The following GADL1 variants were observed in gnomAD, a reference collection of about 807,000 sequenced individuals.
GADL1 encodes GAD like acidic amino acid decarboxylase 1.
In GADL1, 71 loss-of-function variants were observed where a neutral mutation model predicts 69.5. That is an observed-to-expected ratio of 1.02 (90% CI 0.84 to 1.25). The LOEUF (loss-of-function observed/expected upper bound fraction) is 1.25, where lower values mean the gene tolerates loss of function less well. Ranked by LOEUF, GADL1 falls within the 50% of genes most tolerant of loss-of-function variation. GADL1 has a pLI of 0.00. For synonymous variants in GADL1, 254 were observed against 214.4 expected, an observed-to-expected ratio of 1.18 and a Z score of -1.62; for missense variants, 737 against 631.8, an observed-to-expected ratio of 1.17 and a Z score of -1.79.
At chr3:30,873,591 GAAGT>G (rs1272535498) in intron 1 of GADL1, among the ~76,000 whole-genome samples, 1 of 151,958 alleles carries the variant, frequency 6.6e-6, no homozygotes, top group Non-Finnish European at 1.5e-5. Flanking sequence ...GATTATCTTA[GAAGT>G]ATGTATTAAA....
intron 2 of GADL1, among the ~76,000 whole-genome samples, chr3:30,860,158 T>A (rs955901529): frequency 2.0e-5 from 3 of 151,876 alleles, no homozygotes; most frequent in Admixed American, 1.3e-4. Flanking sequence ...ACATTCCACA[T>A]CTGAGCTCAA....
intron 11 of GADL1, among the ~76,000 whole-genome samples, chr3:30,818,946 G>A (rs1697522850): frequency 1.3e-5 from 2 of 152,032 alleles, no homozygotes; most frequent in African/African-American, 2.4e-5. Context: ...GCTTCATTGT[G>A]TCTTGTTCAT....
At chr3:30,774,524 TATA>T (rs1696489553) in intron 14 of GADL1, among the ~76,000 whole-genome samples, 6 of 152,208 alleles carry the variant, frequency 3.9e-5, no homozygotes, top group Non-Finnish European at 8.8e-5. Context: ...ATCACCTACT[TATA>T]ATAGTCTGCA....
rs532427545 is a variant in GADL1, at chr3:30,812,430, G to C, written c.1051-11342C>G. Among the ~76,000 whole-genome samples the C allele has an allele frequency of 3.9e-5, 6 of 152,262 alleles. No individual in the cohort carries two copies. In the South Asian group the frequency reaches 1.0e-3, roughly 26 times the overall value. On this transcript the variant is annotated intron_variant, in intron 11 of 14. Coordinates refer to ENST00000282538, the MANE Select transcript of GADL1 (RefSeq NM_207359.3). ...TCATAATCATGGTGGAAGGTGAAAG[G>C]CACATTGCTCATGGCAACAGACAAG...
intron 8 of GADL1, among the ~76,000 whole-genome samples, chr3:30,839,315 A>G (rs1274183690): frequency 6.6e-6 from 1 of 151,984 alleles, no homozygotes; most frequent in African/African-American, 2.4e-5. Flanking sequence ...AGAAAATGCT[A>G]TGGCAATAGC....
chr3:30,840,318 TCTAAA>T (rs1198124673), intron 8 of GADL1, among the ~76,000 whole-genome samples: 3 of 152,142 alleles, frequency 2.0e-5, no homozygotes, highest in Admixed American at 1.3e-4. Flanking sequence ...GGTTCGCCTC[TCTAAA>T]CTGAGATGCA....
Position 30,747,665 on chromosome 3 carries a change from G to T in GADL1, c.1393-19250C>A, listed in dbSNP as rs76835279. On this transcript the variant is annotated intron_variant, in intron 14 of 14. Transcript: ENST00000282538. ...AATTTATAATTTCCTTTGAAATGAA[G>T]ACTGTAGACATGGCCATATCTAAGA... Among the ~76,000 whole-genome samples, 1,089 of 152,288 alleles carry T rather than the reference G, an allele frequency of 7.2e-3. 16 individuals carry two copies. Among genetic ancestry groups the T allele is most frequent in the African/African-American group, 0.025 (1,029 of 41,562 alleles).
At chr3:30,874,139 G>C (rs934901086) in intron 1 of GADL1, among the ~76,000 whole-genome samples, 2 of 151,862 alleles carry the variant, frequency 1.3e-5, no homozygotes, top group East Asian at 1.9e-4. Context: ...TAGTGAAGTA[G>C]GTAGTGAAGA....
intron 14 of GADL1, among the ~76,000 whole-genome samples, chr3:30,746,539 A>AAGGGTAATAAGGTGACAGGTGCACC (rs1695705617): frequency 6.6e-6 from 1 of 152,152 alleles, no homozygotes; most frequent in African/African-American, 2.4e-5. Context: ...GGGCTGTGAT[A>AAGGGTAATAAGGTGACAGGTGCACC]AGGGTAATAA....
At chr3:30,879,801 A>G (rs1698619981) in intron 1 of GADL1, among the ~76,000 whole-genome samples, 1 of 151,916 alleles carries the variant, frequency 6.6e-6, no homozygotes, top group South Asian at 2.1e-4. Context: ...TCTTTTCTGC[A>G]CCAGGAAAAA....
intron 13 of GADL1, among the ~76,000 whole-genome samples, chr3:30,780,150 C>A (rs796777457): frequency 6.6e-6 from 1 of 152,192 alleles, no homozygotes; most frequent in African/African-American, 2.4e-5. Context: ...GAGAGAGATG[C>A]CAGCTAGGCA....
chr3:30,803,391 T>G (rs114524992), intron 11 of GADL1, among the ~76,000 whole-genome samples: 1,663 of 152,088 alleles, frequency 0.011, 31 homozygotes, highest in African/African-American at 0.038. Context: ...GCACACATGT[T>G]CACGACACAG....
Position 30,727,406 on chromosome 3 carries a change from A to G in GADL1, c.*836T>C, listed in dbSNP as rs564357281. The G allele has an allele frequency of 3.4e-5, 5 of 145,608 alleles. No individual in the cohort carries two copies. Among genetic ancestry groups the G allele is most frequent in the African/African-American group, 1.3e-4 (5 of 37,948 alleles). 9.0% of individuals were successfully genotyped at this position (145,608 alleles called of 1,614,324 possible). A position where few individuals can be genotyped will look rare whatever the true frequency, so the allele number is the denominator to read the frequency against. ...ATTGTGCTTTGAATTATATATATAT[A>G]TATATGTGTGTGTGTGTATATATAT... On this transcript the variant is annotated 3_prime_UTR_variant, in exon 15 of 15. Coordinates refer to ENST00000282538, the MANE Select transcript of GADL1 (RefSeq NM_207359.3).
intron 14 of GADL1, among the ~76,000 whole-genome samples, chr3:30,758,861 G>A (rs953333227): frequency 6.6e-6 from 1 of 152,182 alleles, no homozygotes; most frequent in African/African-American, 2.4e-5. Flanking sequence ...CCTTTTGATA[G>A]TCTTCCCTGA....
At chr3:30,787,678 A>G (rs1190261479) in intron 12 of GADL1, among the ~76,000 whole-genome samples, 1 of 152,200 alleles carries the variant, frequency 6.6e-6, no homozygotes, top group Non-Finnish European at 1.5e-5. Context: ...TCACTAAATC[A>G]TAAATATTCA....
chr3:30,848,582 T>C (rs1271676371), intron 6 of GADL1, among the ~76,000 whole-genome samples: 1 of 152,074 alleles, frequency 6.6e-6, no homozygotes, highest in East Asian at 1.9e-4. Flanking sequence ...GCTAAACTCA[T>C]TCTGCCAAGA....
At chr3:30,844,715 T>A (rs1209214468) in intron 6 of GADL1, among the ~76,000 whole-genome samples, 1 of 151,984 alleles carries the variant, frequency 6.6e-6, no homozygotes, top group African/African-American at 2.4e-5. Flanking sequence ...TAATATACAC[T>A]CTCCAAGCCT....
At chr3:30,753,587 A>AC (rs1695888046) in intron 14 of GADL1, among the ~76,000 whole-genome samples, 2 of 141,838 alleles carry the variant, frequency 1.4e-5, no homozygotes, top group Admixed American at 1.4e-4. Context: ...GCGTCGGAAG[A>AC]CCAACAGACT....
At chr3:30,795,505 C>A (rs1697013359) in intron 12 of GADL1, among the ~76,000 whole-genome samples, 1 of 152,120 alleles carries the variant, frequency 6.6e-6, no homozygotes, top group Non-Finnish European at 1.5e-5. Flanking sequence ...GCAGACACTA[C>A]AAACTGGGGC....
Sources: allele counts gnomAD v4.1 joint callset (sites outside exome capture counted in the v4.1 genomes callset), GRCh38; gene constraint gnomAD v4.1.1; transcripts MANE v1.5; gene names NCBI Gene and HGNC (gene_info 2026-07-23, HGNC 2026-07-21).